Variants in CCDC7 observed in about 807,000 individuals in gnomAD.
CCDC7 encodes coiled-coil domain-containing protein 7.
In CCDC7, 183 loss-of-function variants were observed where a neutral mutation model predicts 196.9. The observed-to-expected ratio is 0.93, with a 90% CI of 0.82 to 1.05. The LOEUF is 1.05. Among genes scored for constraint, CCDC7 ranks in the 50% least tolerant of loss-of-function variants. The pLI is 0.00. For synonymous variants in CCDC7, 525 were observed against 484.6 expected (o/e 1.08, Z -1.10); for missense variants, 1,540 against 1,482.2 (o/e 1.04, Z -0.64).
chr10:32,628,679 C>A (rs534840842), intron 18 of CCDC7, among the ~76,000 whole-genome samples: 1 of 152,046 alleles, frequency 6.6e-6, no homozygotes, highest in South Asian at 2.1e-4. Flanking sequence ...TATTCCATAT[C>A]CCCTAAGTTG....
intron 28 of CCDC7, among the ~76,000 whole-genome samples, chr10:32,775,348 G>C (rs1031407772): frequency 2.0e-5 from 3 of 152,022 alleles, no homozygotes; most frequent in Admixed American, 2.0e-4. Flanking sequence ...GGAAAAGTGA[G>C]GGCAAAGGGG....
intron 24 of CCDC7, among the ~76,000 whole-genome samples, chr10:32,697,331 A>G (rs1265920783): frequency 6.6e-6 from 1 of 152,208 alleles, no homozygotes; most frequent in African/African-American, 2.4e-5. Flanking sequence ...GACTGGTTGG[A>G]CAGTGGGTGC....
intron 28 of CCDC7, among the ~76,000 whole-genome samples, chr10:32,740,360 G>A (rs2085621363): frequency 6.6e-6 from 1 of 152,096 alleles, no homozygotes. Flanking sequence ...TTTCATTTTT[G>A]GGAGGAAATA....
intron 18 of CCDC7, among the ~76,000 whole-genome samples, chr10:32,601,730 C>T (rs986526539): frequency 3.3e-5 from 5 of 151,966 alleles, no homozygotes; most frequent in Admixed American, 2.0e-4. Flanking sequence ...ACTCACCAAT[C>T]AGCACTTTGT....
At chr10:32,651,356 A>G (rs557155455) in intron 20 of CCDC7, among the ~76,000 whole-genome samples, 1 of 151,506 alleles carries the variant, frequency 6.6e-6, no homozygotes, top group African/African-American at 2.4e-5. Flanking sequence ...TCTTTTTTCC[A>G]TCCACATTTG....
chr10:32,875,893 CA>C (rs1458141988), intron 41 of CCDC7, among the ~76,000 whole-genome samples: 5 of 151,824 alleles, frequency 3.3e-5, no homozygotes, highest in Admixed American at 6.6e-5. Context: ...TAAGTATATA[CA>C]TTTTTTTTGT....
chr10:32,606,657 G>A (rs981867659), intron 18 of CCDC7, among the ~76,000 whole-genome samples: 1 of 152,186 alleles, frequency 6.6e-6, no homozygotes, highest in African/African-American at 2.4e-5. Context: ...GCCCTGATGG[G>A]TTTCAGATTT....
At chr10:32,620,480 C>G (rs1019616368) in intron 18 of CCDC7, among the ~76,000 whole-genome samples, 2 of 144,664 alleles carry the variant, frequency 1.4e-5, no homozygotes, top group Non-Finnish European at 3.0e-5. Flanking sequence ...TTTTTTTTTT[C>G]TGTTTTATAG....
At chr10:32,446,051 C>T (rs780337079), upstream of CCDC7, 1 of 152,232 alleles carries the variant, frequency 6.6e-6, no homozygotes, top group Admixed American at 6.5e-5. Flanking sequence ...GTCTCCTCTT[C>T]CGCTCTCGGC....
intron 11 of CCDC7, among the ~76,000 whole-genome samples, chr10:32,539,378 T>C (rs2051027985): frequency 6.6e-6 from 1 of 152,150 alleles, no homozygotes; most frequent in Non-Finnish European, 1.5e-5. Context: ...TGGTAACATC[T>C]GCTTTGTCAT....
At chr10:32,716,469 ATT>A (rs1446263040) in intron 25 of CCDC7, among the ~76,000 whole-genome samples, 1 of 152,234 alleles carries the variant, frequency 6.6e-6, no homozygotes, top group Admixed American at 6.5e-5. Flanking sequence ...GACCAGTGAC[ATT>A]GTGAAGAAAC....
intron 30 of CCDC7, among the ~76,000 whole-genome samples, chr10:32,811,485 G>A (rs184194681): frequency 7.6e-4 from 115 of 152,080 alleles, no homozygotes; most frequent in African/African-American, 2.5e-3. Flanking sequence ...TACTACAAAC[G>A]TGCTGTTAGA....
At chr10:32,636,563 C>G (rs887361015) in intron 20 of CCDC7, among the ~76,000 whole-genome samples, 2 of 152,072 alleles carry the variant, frequency 1.3e-5, no homozygotes, top group African/African-American at 4.8e-5. Context: ...TGAACTCATC[C>G]TTTTTTATGG....
chr10:32,449,786 T>G (rs910650031), upstream of CCDC7, among the ~76,000 whole-genome samples: 1 of 152,086 alleles, frequency 6.6e-6, no homozygotes, highest in African/African-American at 2.4e-5. Context: ...AGGAGGTGAT[T>G]AGGTTATGAG....
chr10:32,877,524 G>A (rs900407133), downstream of CCDC7, among the ~76,000 whole-genome samples: 1 of 152,072 alleles, frequency 6.6e-6, no homozygotes, highest in Non-Finnish European at 1.5e-5. Context: ...AATGGGTGGT[G>A]ATTGTTAGGG....
At chr10:32,652,108 A>C (rs889911039) in intron 20 of CCDC7, among the ~76,000 whole-genome samples, 1 of 152,112 alleles carries the variant, frequency 6.6e-6, no homozygotes, top group Admixed American at 6.5e-5. Flanking sequence ...TTGTGTGTAC[A>C]TATATTTATA....
chr10:32,460,514 A>G (rs574127162), intron 3 of CCDC7, among the ~76,000 whole-genome samples: 51 of 152,312 alleles, frequency 3.3e-4, no homozygotes, highest in Non-Finnish European at 6.9e-4. Context: ...GATATACGCT[A>G]AAGTTTCCCA....
intron 11 of CCDC7, among the ~76,000 whole-genome samples, chr10:32,539,088 C>G (rs991350388): frequency 2.6e-5 from 4 of 152,028 alleles, no homozygotes; most frequent in African/African-American, 9.6e-5. Context: ...GGAATGGCAC[C>G]AGCGCTTCTT....
intron 13 of CCDC7, among the ~76,000 whole-genome samples, chr10:32,559,679 C>T (rs2055066001): frequency 1.3e-5 from 2 of 152,062 alleles, no homozygotes; most frequent in South Asian, 4.2e-4. Context: ...TGTATGTCAC[C>T]ATCATCAAAG....
Sources: gnomAD v4.1 joint callset for allele counts (sites outside exome capture counted in the v4.1 genomes callset) on GRCh38, gnomAD v4.1.1 for gene constraint, MANE v1.5 for transcripts, NCBI Gene and HGNC (gene_info 2026-07-23, HGNC 2026-07-21) for gene names.